SH3GL1: variants seen among roughly 807,000 people sequenced by gnomAD.
The protein encoded by SH3GL1 is SH3 domain containing GRB2 like 1, endophilin A2, also known as endophilin-A2.
SH3GL1 carries 21 observed loss-of-function variants against 48.8 expected under a neutral mutation model. That is an observed-to-expected ratio of 0.43 (90% CI 0.30 to 0.62). SH3GL1 has a LOEUF of 0.62. Ranked by LOEUF, SH3GL1 falls within the 20% of genes least tolerant of loss-of-function variation. The pLI is 0.11. For synonymous variants in SH3GL1, 282 were observed against 217.5 expected (o/e 1.30, Z -2.61); for missense variants, 454 against 503.0 (o/e 0.90, Z 0.93).
Position 4,367,040 on chromosome 19 carries a change from G to A in SH3GL1, c.46-46C>T, listed in dbSNP as rs116891314. ...AACGCTGTGAGCCCAGGGGTAGGAG[G>A]AAGAAGAGGACAGGAGGCCCTGAGC... On this transcript the variant is annotated intron_variant, in intron 1 of 9. Transcript: ENST00000269886. The surrounding 1 kb of genome is among the most constrained non-coding windows in gnomAD (Gnocchi z 4.2). 3,121 of 1,577,336 alleles carry A rather than the reference G, an allele frequency of 2.0e-3. 36 individuals carry two copies. In the East Asian group the frequency reaches 0.038, roughly 19 times the overall value.
chr19:4,364,644 C>T (rs1018598690), intron 4 of SH3GL1: 5 of 177,932 alleles, frequency 2.8e-5, no homozygotes, highest in Admixed American at 1.1e-4. Flanking sequence ...TAGACCACAC[C>T]GGTCTCGAAC....
Position 4,365,502 on chromosome 19 carries a change from A to G in SH3GL1, c.311T>C (p.Leu104Pro). The stretch of plus-strand genomic sequence containing the variant: ...CTCACCAAAGTTGGACTCGCCGCCC[A>G]GCTCCTTCCCGTGGCGGATCATGCA... ...GECMIRHGKE[L>P]GGESNFGDAL... Residue 104 changes from leucine (L) to proline (P), a missense_variant, in exon 4 of 10, where the codon CTG becomes CCG. Leu to Pro is a moderately conservative substitution (Grantham distance 98, BLOSUM62 -3). This residue lies in a region of SH3GL1 where 176 missense variants were observed against 256.2 expected (regional missense o/e 0.69). Coordinates refer to ENST00000269886, the MANE Select transcript of SH3GL1 (RefSeq NM_003025.4). 1 of 1,613,888 alleles carries G rather than the reference A, an allele frequency of 6.2e-7. No homozygotes were observed. The highest frequency in any genetic ancestry group is 8.5e-7 in the Non-Finnish European group (1 of 1,180,022).
intron 1 of SH3GL1, among the ~76,000 whole-genome samples, chr19:4,372,261 TCCCATGTGCCAGC>T (rs1972917698): frequency 6.6e-6 from 1 of 152,208 alleles, no homozygotes; most frequent in East Asian, 1.9e-4. Context: ...CTATTCACAG[TCCCATGTGCCAGC>T]CCCCATGCTA....
At chr19:4,393,922 A>G (rs528895519) in intron 1 of SH3GL1, among the ~76,000 whole-genome samples, 4 of 151,998 alleles carry the variant, frequency 2.6e-5, no homozygotes, top group African/African-American at 9.7e-5. Context: ...ACAGCCCCCA[A>G]ATAGGTGGGG....
In SH3GL1 at chr19:4,394,756, G is replaced by A. The variant is rs554585826; in HGVS notation, c.45+5568C>T. Among the ~76,000 whole-genome samples the A allele has an allele frequency of 2.4e-4, 37 of 152,268 alleles. No homozygotes were observed. The East Asian group carries it at 6.4e-3, about 26-fold the overall frequency. On this transcript the variant is annotated intron_variant, in intron 1 of 9. Coordinates refer to ENST00000269886, the MANE Select transcript of SH3GL1 (RefSeq NM_003025.4). ...TGTTGATCAATTTAGAAAGGACACC[G>A]TAAGAACCCTTGGAAGTCTAGAGCC...
At chr19:4,363,660 A>T in intron 6 of SH3GL1, 60 bp downstream of exon 6, 1 of 1,601,112 alleles carries the variant, frequency 6.2e-7, no homozygotes, top group South Asian at 1.1e-5. Flanking sequence ...CCCTTGAGGC[A>T]CCACCCCGGC....
At chr19:4,386,569 C>A (rs550157057) in intron 1 of SH3GL1, among the ~76,000 whole-genome samples, 1 of 147,984 alleles carries the variant, frequency 6.8e-6, no homozygotes, top group Admixed American at 6.8e-5. Context: ...AACTCCCGGG[C>A]TCAAGCGCTC....
At chr19:4,377,757 G>A (rs1006960177) in intron 1 of SH3GL1, among the ~76,000 whole-genome samples, 2 of 152,272 alleles carry the variant, frequency 1.3e-5, no homozygotes, top group Admixed American at 1.3e-4. Context: ...TCCTTACACA[G>A]TGATGTCGGT....
intron 1 of SH3GL1, among the ~76,000 whole-genome samples, chr19:4,386,196 G>A (rs961123235): frequency 6.6e-6 from 1 of 152,206 alleles, no homozygotes. Flanking sequence ...TGATGAGTGA[G>A]GCTGTTAGGC....
chr19:4,362,724 A>C lies in SH3GL1; in HGVS notation c.741T>G (p.Ala247=). The C allele has an allele frequency of 6.2e-7, 1 of 1,613,982 alleles. No individual in the cohort carries two copies. Among genetic ancestry groups the C allele is most frequent in the Non-Finnish European group, 8.5e-7 (1 of 1,180,020 alleles). ...TATACTCCCGCTTAGGGCGTGAGGA[A>C]GCTTCCCGCATCCTGTGAAGGGAGA... ...AEKLKRRMRE[A]SSRPKREYKP... Residue 247 remains alanine, a synonymous_variant, in exon 8 of 10, where the codon GCT becomes GCG. Coordinates refer to ENST00000269886, the MANE Select transcript of SH3GL1 (RefSeq NM_003025.4).
At chr19:4,372,675 C>G (rs532617689) in intron 1 of SH3GL1, among the ~76,000 whole-genome samples, 1 of 152,226 alleles carries the variant, frequency 6.6e-6, no homozygotes, top group Admixed American at 6.5e-5. Context: ...AGCCACTGCC[C>G]AACACACATG....
chr19:4,365,685 G>C, intron 3 of SH3GL1, 60 bp from the exon 4 acceptor site: 1 of 1,605,194 alleles, frequency 6.2e-7, no homozygotes, highest in Non-Finnish European at 8.5e-7. Context: ...TGCCCTGGCA[G>C]ACTGCAGCCC....
chr19:4,387,336 T>C (rs1311713221), intron 1 of SH3GL1, among the ~76,000 whole-genome samples: 1 of 152,174 alleles, frequency 6.6e-6, no homozygotes, highest in East Asian at 1.9e-4. Flanking sequence ...TCTTGCTCTG[T>C]TGCCCAGGCT....
At chr19:4,365,815 G>A (rs1000432925) in intron 3 of SH3GL1, among the ~76,000 whole-genome samples, 190 bp from the exon 4 acceptor site, 4 of 152,206 alleles carry the variant, frequency 2.6e-5, no homozygotes, top group African/African-American at 7.2e-5. Context: ...AGCTGGCAGC[G>A]GGTGGAGAGG....
intron 1 of SH3GL1, among the ~76,000 whole-genome samples, chr19:4,397,605 T>C (rs1315510891): frequency 6.6e-6 from 1 of 152,176 alleles, no homozygotes; most frequent in African/African-American, 2.4e-5. Flanking sequence ...TCTTTCCTGC[T>C]AGGGAGCAGT....
intron 9 of SH3GL1, 49 bp from the exon 10 acceptor site, chr19:4,361,845 G>T: frequency 7.4e-7 from 1 of 1,344,398 alleles, no homozygotes; most frequent in Non-Finnish European, 1.1e-6. Context: ...GCCTCACCCC[G>T]CCCAGTCTGG....
At chr19:4,381,689 C>CTTTT (rs71166991) in intron 1 of SH3GL1, among the ~76,000 whole-genome samples, 1 of 35,150 alleles carries the variant, frequency 2.8e-5, no homozygotes, top group Non-Finnish European at 5.4e-5. Context: ...CCCCACACGC[C>CTTTT]TTTTTTTTTT....
intron 1 of SH3GL1, among the ~76,000 whole-genome samples, chr19:4,381,307 T>TC (rs1326540517): frequency 1.8e-5 from 2 of 112,866 alleles, no homozygotes; most frequent in African/African-American, 7.2e-5. Context: ...TCTGCCTCTC[T>TC]CTGTCCCCCT....
chr19:4,378,393 A>G (rs1029896605), intron 1 of SH3GL1, among the ~76,000 whole-genome samples: 18 of 152,098 alleles, frequency 1.2e-4, no homozygotes, highest in African/African-American at 4.1e-4. Flanking sequence ...TTTCTCAACC[A>G]TCTCAGGCGT....
Sources: allele counts gnomAD v4.1 joint callset (sites outside exome capture counted in the v4.1 genomes callset), GRCh38; gene constraint gnomAD v4.1.1; regional missense constraint gnomAD v4.1.1; non-coding constraint Gnocchi (gnomAD v3.1); transcripts MANE v1.5; gene names NCBI Gene and HGNC (gene_info 2026-07-23, HGNC 2026-07-21).